The following KCNT1 variants were observed in gnomAD, a reference collection of about 807,000 sequenced individuals.
KCNT1 encodes potassium sodium-activated channel subfamily T member 1.
KCNT1 carries 78 observed loss-of-function variants against 147.8 expected under a neutral mutation model. That is an observed-to-expected ratio of 0.53 (90% CI 0.44 to 0.64). The LOEUF (loss-of-function observed/expected upper bound fraction) is 0.64. Ranked by LOEUF, KCNT1 falls within the 30% of genes least tolerant of loss-of-function variation. KCNT1 has a pLI of 0.00. For synonymous variants in KCNT1, 867 were observed against 748.8 expected, an observed-to-expected ratio of 1.16 and a Z score of -2.58; for missense variants, 1,419 against 1,750.3, an observed-to-expected ratio of 0.81 and a Z score of 3.38.
At chr9:135,751,614 C>G (rs555607633) in intron 4 of KCNT1, among the ~76,000 whole-genome samples, 1 of 152,322 alleles carries the variant, frequency 6.6e-6, no homozygotes, top group Admixed American at 6.5e-5. Context: ...TCTCTGAGTC[C>G]TGTTCTGTCT....
chr9:135,757,070 C>T (rs1302098362), intron 7 of KCNT1, 86 bp from the exon 8 acceptor site: 11 of 1,082,764 alleles, frequency 1.0e-5, no homozygotes, highest in Middle Eastern at 2.9e-4. Flanking sequence ...GTGGGCTCCT[C>T]GCCCTCTTCC....
At chr9:135,785,551 G>C (rs749191609) in intron 28 of KCNT1, 6 of 663,386 alleles carry the variant, frequency 9.0e-6, no homozygotes, top group Non-Finnish European at 1.3e-5. Flanking sequence ...CTGAGGCCTG[G>C]GGGGAGTAGC....
At chr9:135,768,992 C>T (rs1283196663) in intron 15 of KCNT1, 55 bp downstream of exon 15, 14 of 1,367,132 alleles carry the variant, frequency 1.0e-5, no homozygotes, top group Middle Eastern at 1.9e-4. Flanking sequence ...CACGTGTGCA[C>T]ACGTGGGTGA....
At chr9:135,764,777 A>G (rs1034064736) in intron 11 of KCNT1, among the ~76,000 whole-genome samples, 14 of 152,042 alleles carry the variant, frequency 9.2e-5, no homozygotes, top group African/African-American at 3.4e-4. Context: ...TTTACTCCAC[A>G]GTCTCCAGCC....
In KCNT1 at chr9:135,791,828, C is replaced by A. The variant is rs1588422518; in HGVS notation, c.3534C>A (p.Ser1178=). The A allele has an allele frequency of 1.2e-6, 2 of 1,613,970 alleles. No individual in the cohort carries two copies. The highest frequency in any genetic ancestry group is 1.7e-6 in the Non-Finnish European group (2 of 1,179,954). ...DEMNDHQNTL[S]YVLINPPPDT... Reference sequence around the variant, plus strand: ...TGAACGACCACCAGAACACCCTCTCCTACGTCCTCATCAACCCTCCGCCCG... The same window carrying A: ...TGAACGACCACCAGAACACCCTCTCATACGTCCTCATCAACCCTCCGCCCG... The change falls in exon 30 of 31, where the codon TCC becomes TCA. Residue 1178 remains serine (S), a synonymous_variant. Coordinates refer to ENST00000371757, the MANE Select transcript of KCNT1 (RefSeq NM_020822.3).
At chr9:135,745,964 C>T (rs902112845) in intron 2 of KCNT1, among the ~76,000 whole-genome samples, 5 of 152,240 alleles carry the variant, frequency 3.3e-5, no homozygotes, top group Admixed American at 6.5e-5. Context: ...CTACCCCAGC[C>T]GGGTCGGCCT....
At chr9:135,704,994 A>AG (rs1835192310) in intron 1 of KCNT1, among the ~76,000 whole-genome samples, 1 of 152,178 alleles carries the variant, frequency 6.6e-6, no homozygotes, top group Non-Finnish European at 1.5e-5. Flanking sequence ...GGTCCCCACG[A>AG]GGGCCTCTGC....
Position 135,784,152 on chromosome 9 carries a change from G to A in KCNT1, c.2943+27G>A, listed in dbSNP as rs189823941. ...TCAGCGGGGAAGCGGCAGCAGGAGGGTGGCGCCTGGGTGGGACCCCCGTCA... is the reference window on the plus strand; with the variant it reads ...TCAGCGGGGAAGCGGCAGCAGGAGGATGGCGCCTGGGTGGGACCCCCGTCA... On this transcript the variant is annotated intron_variant, in intron 25 of 30. Coordinates refer to ENST00000371757, the MANE Select transcript of KCNT1 (RefSeq NM_020822.3). 1.6e-4 allele frequency: 253 copies of A among 1,572,032 alleles called. No individual in the cohort carries two copies. The African/African-American group carries it at 3.2e-3, about 20-fold the overall frequency.
At position 135,703,431 on chromosome 9, in the gene KCNT1, C is replaced by G. The variant is rs570917310; in HGVS notation, c.110+1063C>G. Among the ~76,000 whole-genome samples the G allele has an allele frequency of 1.4e-4, 21 of 152,324 alleles. 1 individual carries two copies. In the South Asian group the frequency reaches 4.1e-3, roughly 30 times the overall value. On this transcript the variant is annotated intron_variant, in intron 1 of 30. Coordinates refer to ENST00000371757, the MANE Select transcript of KCNT1 (RefSeq NM_020822.3). The stretch of plus-strand genomic sequence containing the variant: ...TTAAGGGCTGCCTCTGGTGAGGGAC[C>G]AGGCTGGAGAGGAGGTTCCCAGAAT...
chr9:135,774,468 G>A (rs944576896), intron 19 of KCNT1, among the ~76,000 whole-genome samples: 9 of 148,744 alleles, frequency 6.1e-5, no homozygotes, highest in Admixed American at 1.3e-4. Context: ...TTGTGTGTCC[G>A]TGTGTGGTAC....
intron 2 of KCNT1, among the ~76,000 whole-genome samples, chr9:135,748,054 G>C (rs1830940162): frequency 6.6e-6 from 1 of 152,206 alleles, no homozygotes. Context: ...CGATTCTCCT[G>C]CCTCAGCCTC....
intron 3 of KCNT1, 129 bp from the exon 4 acceptor site, chr9:135,750,813 G>C: frequency 1.3e-6 from 1 of 782,810 alleles, no homozygotes; most frequent in Non-Finnish European, 2.2e-6. Context: ...AGAGCTCTGC[G>C]TGCAGCCCGG....
intron 2 of KCNT1, among the ~76,000 whole-genome samples, chr9:135,734,067 A>G (rs6537911): frequency 0.54 from 82,608 of 151,986 alleles, 22,562 homozygotes; most frequent in Middle Eastern, 0.61. Context: ...CGCGGTAGGC[A>G]AAGCGAGGCC....
At chr9:135,742,580 C>T (rs557686962) in intron 2 of KCNT1, among the ~76,000 whole-genome samples, 3 of 150,576 alleles carry the variant, frequency 2.0e-5, no homozygotes, top group Non-Finnish European at 3.0e-5. Flanking sequence ...GCACCTCTCC[C>T]GTGCCCGGGG....
chr9:135,737,235 A>C (rs1479329674), intron 2 of KCNT1, among the ~76,000 whole-genome samples: 3 of 152,064 alleles, frequency 2.0e-5, no homozygotes, highest in Admixed American at 6.5e-5. Context: ...CTGCCTGGGG[A>C]GCCCTGCTGT....
intron 11 of KCNT1, among the ~76,000 whole-genome samples, chr9:135,762,197 AC>A (rs1042369868): frequency 2.0e-5 from 3 of 152,196 alleles, no homozygotes; most frequent in African/African-American, 7.2e-5. Context: ...TAACCCCAGT[AC>A]TTTGAAAGGC....
intron 2 of KCNT1, among the ~76,000 whole-genome samples, chr9:135,722,751 C>T (rs1034491635): frequency 6.6e-5 from 10 of 152,196 alleles, no homozygotes; most frequent in Non-Finnish European, 1.0e-4. Flanking sequence ...AGAATGCAGG[C>T]TCTCTGCTCT....
chr9:135,703,413 CT>C (rs1246758636), intron 1 of KCNT1, among the ~76,000 whole-genome samples: 2 of 152,230 alleles, frequency 1.3e-5, no homozygotes, highest in Admixed American at 1.3e-4. Flanking sequence ...TCTTTAAGGG[CT>C]GCCTCTGGTG....
rs563400180 is a variant in KCNT1, at chr9:135,752,341, T to C, written c.434+1300T>C. 1.8e-5 allele frequency: 8 copies of C among 456,382 alleles called. No individual in the cohort carries two copies. Among genetic ancestry groups the C allele is most frequent in the African/African-American group, 1.2e-4 (6 of 50,182 alleles). The allele number at this position is 456,382 out of a possible 1,614,324, so 28.3% of individuals were successfully genotyped here. A position where few individuals can be genotyped will look rare whatever the true frequency, so the allele number is the denominator to read the frequency against. On this transcript the variant is annotated intron_variant, in intron 4 of 30. Transcript: ENST00000371757. This position sits in a 1 kb window ranked among gnomAD's most constrained non-coding sequence, Gnocchi z 5.1. ...GCCTGGCATCCCCAGGCCAGAGACT[T>C]TCCCTCTCCTAAGAATGAACCTCCT...
Sources: allele counts gnomAD v4.1 joint callset (sites outside exome capture counted in the v4.1 genomes callset), GRCh38; gene constraint gnomAD v4.1.1; non-coding constraint Gnocchi (gnomAD v3.1); transcripts MANE v1.5; gene names NCBI Gene and HGNC (gene_info 2026-07-23, HGNC 2026-07-21).